The following DAB1 variants were observed in gnomAD, a reference collection of about 807,000 sequenced individuals.
DAB1 encodes the protein DAB adaptor protein 1, also known as disabled homolog 1.
A neutral mutation model predicts 64.6 loss-of-function variants in DAB1; 15 were observed. That is an observed-to-expected ratio of 0.23 (90% CI 0.16 to 0.36). The LOEUF is 0.36. Among genes scored for constraint, DAB1 ranks in the 10% least tolerant of loss-of-function variants. The probability of loss-of-function intolerance (pLI) is 1.00; values close to 1 mark genes in which losing one functional copy is unlikely to be tolerated. For missense variants in DAB1, 596 were observed against 706.7 expected (o/e 0.84, Z 1.78); for synonymous variants, 235 against 251.9 (o/e 0.93, Z 0.64).
intron 5 of DAB1, among the ~76,000 whole-genome samples, chr1:57,896,561 A>C (rs1644394992): frequency 6.6e-6 from 1 of 152,134 alleles, no homozygotes; most frequent in African/African-American, 2.4e-5. Flanking sequence ...TGGAGTGGTA[A>C]GGGACCAGTC....
chr1:57,252,451 T>C (rs189222020), intron 2 of DAB1, among the ~76,000 whole-genome samples: 28 of 152,288 alleles, frequency 1.8e-4, no homozygotes. Context: ...TTTATTTCCA[T>C]GAAAATTAAA....
chr1:57,006,065 T>C (rs886624957), intron 14 of DAB1, among the ~76,000 whole-genome samples: 1 of 152,200 alleles, frequency 6.6e-6, no homozygotes, highest in Non-Finnish European at 1.5e-5. Context: ...GTATCATCTT[T>C]TGCTGCTTTC....
At chr1:58,034,903 C>T (rs940412438) in intron 5 of DAB1, among the ~76,000 whole-genome samples, 1 of 152,190 alleles carries the variant, frequency 6.6e-6, no homozygotes, top group Non-Finnish European at 1.5e-5. Flanking sequence ...TCCTTCCATC[C>T]ATGTATGTGC....
At chr1:57,055,993 T>C (rs1241928933) in intron 9 of DAB1, among the ~76,000 whole-genome samples, 1 of 152,168 alleles carries the variant, frequency 6.6e-6, no homozygotes, top group Non-Finnish European at 1.5e-5. Flanking sequence ...ATTTAGTCTT[T>C]ACACATTTAG....
Position 57,011,160 on chromosome 1 carries a change from G to A in DAB1, c.1557C>T (p.Ser519=), listed in dbSNP as rs145981487. The A allele has an allele frequency of 3.2e-5, 52 of 1,613,960 alleles. No homozygotes were observed. Among genetic ancestry groups the A allele is most frequent in the East Asian group, 6.7e-5 (3 of 44,864 alleles). Residue 519 remains serine (S), a synonymous_variant, in exon 13 of 15, where the codon AGC becomes AGT. Coordinates refer to ENST00000371236, the MANE Select transcript of DAB1 (RefSeq NM_001365792.1). ...FEEGFESPSK[S]EEQEAPDGSQ... ...GGTCACTTACAGCTTCTTGCTCTTCGCTTTTGCTGGGACTTTCAAAGCCCT... is the reference window on the plus strand; with the variant it reads ...GGTCACTTACAGCTTCTTGCTCTTCACTTTTGCTGGGACTTTCAAAGCCCT...
At chr1:57,764,713 C>A (rs1015651600) in intron 6 of DAB1, among the ~76,000 whole-genome samples, 1 of 152,096 alleles carries the variant, frequency 6.6e-6, no homozygotes, top group African/African-American at 2.4e-5. Context: ...TATTTCATAG[C>A]CCTGAGTTTT....
At chr1:57,838,763 C>A (rs1652921647) in intron 1 of DAB1, among the ~76,000 whole-genome samples, 1 of 148,252 alleles carries the variant, frequency 6.7e-6, no homozygotes, top group East Asian at 2.0e-4. Flanking sequence ...TATTTATTTT[C>A]TTTCTTCCTT....
At chr1:57,287,317 C>T (rs1333095480) in intron 2 of DAB1, among the ~76,000 whole-genome samples, 3 of 152,172 alleles carry the variant, frequency 2.0e-5, no homozygotes, top group Admixed American at 6.5e-5. Context: ...TCAAGCGATC[C>T]ACCCACCTTA....
At chr1:58,013,414 C>T (rs1161110667) in intron 5 of DAB1, among the ~76,000 whole-genome samples, 1 of 152,188 alleles carries the variant, frequency 6.6e-6, no homozygotes, top group East Asian at 1.9e-4. Flanking sequence ...CAGGACAGGA[C>T]ATCAGGCACT....
At chr1:57,899,724 G>A (rs1202837) in intron 5 of DAB1, among the ~76,000 whole-genome samples, 26,606 of 151,770 alleles carry the variant, frequency 0.18, 2,710 homozygotes, top group Admixed American at 0.27. Flanking sequence ...TAGAAGCCTC[G>A]TGATACTTTC....
At chr1:58,408,001 ACT>A (rs1644632862) in intron 3 of DAB1, among the ~76,000 whole-genome samples, 1 of 151,202 alleles carries the variant, frequency 6.6e-6, no homozygotes, top group Non-Finnish European at 1.5e-5. Context: ...AACTACACTG[ACT>A]CTCTGTTTCT....
intron 5 of DAB1, among the ~76,000 whole-genome samples, chr1:58,145,430 T>C (rs575816882): frequency 1.3e-5 from 2 of 151,732 alleles, no homozygotes; most frequent in East Asian, 1.9e-4. Context: ...TCCCGTCACA[T>C]GGATGTCGTA....
chr1:57,965,600 T>C (rs1220198177), intron 5 of DAB1, among the ~76,000 whole-genome samples: 1 of 152,172 alleles, frequency 6.6e-6, no homozygotes, highest in Non-Finnish European at 1.5e-5. Context: ...GAGCTCAGAA[T>C]ACATAAACTA....
chr1:58,424,408 A>C (rs1265686492), intron 3 of DAB1, among the ~76,000 whole-genome samples: 1 of 151,694 alleles, frequency 6.6e-6, no homozygotes, highest in Non-Finnish European at 1.5e-5. Context: ...CCCATGACCC[A>C]GTCAAACTGA....
At chr1:58,520,476 A>G (rs545709447) in intron 2 of DAB1, among the ~76,000 whole-genome samples, 17 of 152,348 alleles carry the variant, frequency 1.1e-4, no homozygotes, top group African/African-American at 3.4e-4. Flanking sequence ...AATGTTCCAC[A>G]TTATATAAAT....
chr1:58,522,619 AC>A (rs145863943), intron 2 of DAB1, among the ~76,000 whole-genome samples: 27,048 of 152,022 alleles, frequency 0.18, 2,541 homozygotes, highest in Middle Eastern at 0.23. Context: ...AAGGGCACTG[AC>A]CCCTCTGTGC....
chr1:57,512,336 A>G (rs1644415279), intron 7 of DAB1, among the ~76,000 whole-genome samples: 2 of 152,222 alleles, frequency 1.3e-5, no homozygotes, highest in Non-Finnish European at 2.9e-5. Flanking sequence ...GTGGAAAAAA[A>G]GATCTGTCAC....
At chr1:57,687,035 A>C (rs1646705461) in intron 6 of DAB1, among the ~76,000 whole-genome samples, 1 of 152,162 alleles carries the variant, frequency 6.6e-6, no homozygotes, top group Non-Finnish European at 1.5e-5. Context: ...GTCCTGGAAG[A>C]TTGCCAAAGC....
At chr1:57,380,007 CAATT>C (rs1458843820) in intron 1 of DAB1, among the ~76,000 whole-genome samples, 3 of 152,276 alleles carry the variant, frequency 2.0e-5, no homozygotes, top group Admixed American at 6.5e-5. Flanking sequence ...AGTAAACACT[CAATT>C]AATAATAGTT....
Sources: gnomAD v4.1 joint callset for allele counts (sites outside exome capture counted in the v4.1 genomes callset) on GRCh38, gnomAD v4.1.1 for gene constraint, MANE v1.5 for transcripts, NCBI Gene and HGNC (gene_info 2026-07-23, HGNC 2026-07-21) for gene names.